FRMD3: variants seen among roughly 807,000 people sequenced by gnomAD.
FRMD3 encodes the protein FERM domain containing 3.
In FRMD3, 33 loss-of-function variants were observed where a neutral mutation model predicts 70.2. The ratio of observed to expected loss-of-function variants is 0.47; its 90% CI spans 0.36 to 0.63. The LOEUF (loss-of-function observed/expected upper bound fraction) is 0.63, where lower values mean the gene tolerates loss of function less well. FRMD3 is among the 20% of genes least tolerant of loss of function. The pLI is 0.00. For missense variants in FRMD3, 632 were observed against 711.4 expected, an observed-to-expected ratio of 0.89 and a Z score of 1.27; for synonymous variants, 279 against 255.9, an observed-to-expected ratio of 1.09 and a Z score of -0.86.
intron 13 of FRMD3, among the ~76,000 whole-genome samples, chr9:83,252,916 C>T (rs941949088): frequency 3.0e-4 from 46 of 152,054 alleles, no homozygotes; most frequent in African/African-American, 1.1e-3. Context: ...AGACTCTACA[C>T]AATAATAGTG....
intron 1 of FRMD3, among the ~76,000 whole-genome samples, chr9:83,430,086 T>C (rs1263883842): frequency 6.6e-6 from 1 of 152,244 alleles, no homozygotes; most frequent in Non-Finnish European, 1.5e-5. Context: ...ATATTATACA[T>C]AATGCTTGAA....
At chr9:83,514,227 T>C (rs976241787) in intron 1 of FRMD3, among the ~76,000 whole-genome samples, 7 of 152,190 alleles carry the variant, frequency 4.6e-5, no homozygotes, top group Admixed American at 1.3e-4. Context: ...AAATTCTCAC[T>C]GCCAGCACAG....
intron 1 of FRMD3, among the ~76,000 whole-genome samples, chr9:83,456,895 G>T (rs1208321231): frequency 3.3e-5 from 5 of 152,130 alleles, no homozygotes; most frequent in Non-Finnish European, 1.5e-5. Context: ...TGGGAGGATT[G>T]CTTGGACCCA....
At chr9:83,419,553 G>A (rs1275651133) in intron 1 of FRMD3, among the ~76,000 whole-genome samples, 3 of 151,542 alleles carry the variant, frequency 2.0e-5, no homozygotes, top group Non-Finnish European at 1.5e-5. Flanking sequence ...TGTGATATGT[G>A]TGTGTTCACG....
intron 6 of FRMD3, among the ~76,000 whole-genome samples, chr9:83,315,647 T>C (rs1284752654): frequency 1.3e-5 from 2 of 152,192 alleles, no homozygotes; most frequent in African/African-American, 2.4e-5. Flanking sequence ...TCCTGAGGAC[T>C]CTCCAGCCAT....
At chr9:83,273,838 C>G (rs1833701384) in intron 13 of FRMD3, among the ~76,000 whole-genome samples, 1 of 151,934 alleles carries the variant, frequency 6.6e-6, no homozygotes, top group Non-Finnish European at 1.5e-5. Flanking sequence ...TTTTTTGAGA[C>G]AGGGTCTTGC....
At chr9:83,348,604 A>T (rs1313402068) in intron 4 of FRMD3, among the ~76,000 whole-genome samples, 8 of 152,138 alleles carry the variant, frequency 5.3e-5, no homozygotes, top group African/African-American at 1.9e-4. Flanking sequence ...ACACTTTAAA[A>T]TGGTGAGATA....
chr9:83,273,093 G>A (rs1165466052), intron 13 of FRMD3, among the ~76,000 whole-genome samples: 1 of 152,130 alleles, frequency 6.6e-6, no homozygotes, highest in Admixed American at 6.5e-5. Flanking sequence ...TGGGAAGTGA[G>A]GAGCCCCTCT....
At chr9:83,395,858 G>A (rs1385084190) in intron 1 of FRMD3, among the ~76,000 whole-genome samples, 2 of 151,842 alleles carry the variant, frequency 1.3e-5, no homozygotes, top group Non-Finnish European at 2.9e-5. Flanking sequence ...CATTGGTTAA[G>A]TGGAAAAAAC....
chr9:83,568,860 C>G, the FRMD3 span, among the ~76,000 whole-genome samples: 2 of 151,650 alleles, frequency 1.3e-5, no homozygotes, highest in South Asian at 2.1e-4. Flanking sequence ...CCACATTGAT[C>G]TATATCAAAA....
intron 1 of FRMD3, among the ~76,000 whole-genome samples, chr9:83,457,402 T>A (rs1827848946): frequency 6.6e-6 from 1 of 152,146 alleles, no homozygotes; most frequent in South Asian, 2.1e-4. Context: ...CTTCTCAATG[T>A]CACACACACC....
At chr9:83,269,736 A>G (rs1833463298) in intron 13 of FRMD3, among the ~76,000 whole-genome samples, 2 of 152,170 alleles carry the variant, frequency 1.3e-5, no homozygotes, top group Non-Finnish European at 2.9e-5. Context: ...TTATTATTTT[A>G]CTATAAACAA....
intron 1 of FRMD3, among the ~76,000 whole-genome samples, chr9:83,432,872 C>T (rs1827023054): frequency 6.6e-6 from 1 of 152,146 alleles, no homozygotes; most frequent in Non-Finnish European, 1.5e-5. Flanking sequence ...ACATTGTACC[C>T]AGTAAGTAGT....
intron 10 of FRMD3, among the ~76,000 whole-genome samples, chr9:83,303,823 T>C (rs536830780): frequency 3.3e-5 from 5 of 152,334 alleles, no homozygotes; most frequent in Non-Finnish European, 7.4e-5. Flanking sequence ...CACTATCTAA[T>C]ACGAAAACAT....
intron 5 of FRMD3, among the ~76,000 whole-genome samples, chr9:83,336,265 C>T (rs1823574577): frequency 6.6e-6 from 1 of 151,972 alleles, no homozygotes; most frequent in Admixed American, 6.6e-5. Flanking sequence ...TTCCACAATG[C>T]ATACATATTT....
intron 2 of FRMD3, among the ~76,000 whole-genome samples, chr9:83,384,641 C>T (rs538077030): frequency 5.6e-4 from 85 of 152,240 alleles, no homozygotes; most frequent in African/African-American, 1.9e-3. Context: ...ACCTTGCATC[C>T]ATGATTTCCA....
intron 2 of FRMD3, among the ~76,000 whole-genome samples, chr9:83,378,175 C>T (rs978295754): frequency 1.3e-5 from 2 of 151,966 alleles, no homozygotes; most frequent in South Asian, 2.1e-4. Context: ...TAAGCACTGG[C>T]TGTTACCATC....
At chr9:83,488,306 A>G (rs1243981186) in intron 1 of FRMD3, among the ~76,000 whole-genome samples, 1 of 152,254 alleles carries the variant, frequency 6.6e-6, no homozygotes, top group African/African-American at 2.4e-5. Flanking sequence ...GGACAAAAAT[A>G]TAAGCATTTT....
chr9:83,452,141 C>G (rs1827677171), intron 1 of FRMD3, among the ~76,000 whole-genome samples: 1 of 152,206 alleles, frequency 6.6e-6, no homozygotes, highest in South Asian at 2.1e-4. Flanking sequence ...CTTCCCCCAA[C>G]AGTTCTCTTC....
Sources: allele counts gnomAD v4.1 joint callset (sites outside exome capture counted in the v4.1 genomes callset), GRCh38; gene constraint gnomAD v4.1.1; transcripts MANE v1.5; gene names NCBI Gene and HGNC (gene_info 2026-07-23, HGNC 2026-07-21).